EPHB6: variants seen among roughly 807,000 people sequenced by gnomAD.
EPHB6 encodes ephrin type-B receptor 6.
EPHB6 carries 51 observed loss-of-function variants against 107.0 expected under a neutral mutation model. The ratio of observed to expected loss-of-function variants is 0.48; its 90% CI spans 0.38 to 0.60. The LOEUF is 0.60. EPHB6 is among the 20% of genes least tolerant of loss of function. EPHB6 has a pLI of 0.00. For missense variants in EPHB6, 1,141 were observed against 1,355.5 expected (o/e 0.84, Z 2.48); for synonymous variants, 553 against 549.0 (o/e 1.01, Z -0.10).
chr7:142,868,352 T>C lies in EPHB6; in HGVS notation c.2030T>C (p.Ile677Thr), dbSNP rs370605481. ...GCTTATATCAAGATTGAGGAGGTCA[T>C]TGGGACAGGTACAGCAGGGCCAAAG... ...DPAYIKIEEV[I>T]GTGSFGEVRQ... is the part of the protein sequence containing the mutation. Residue 677 changes from isoleucine to threonine, a missense_variant, in exon 14 of 20, where the codon ATT becomes ACT. By Grantham distance (89) the Ile-to-Thr change is moderately conservative (BLOSUM62 -1). Transcript: ENST00000652003. This position sits in a 1 kb window ranked among gnomAD's most constrained non-coding sequence, Gnocchi z 4.2. 8.1e-6 allele frequency: 13 copies of C among 1,613,960 alleles called. No homozygotes were observed. The highest frequency in any genetic ancestry group is 4.5e-5 in the East Asian group (2 of 44,884).
At chr7:142,863,437 G>A (rs1473893438) in intron 5 of EPHB6, 110 bp downstream of exon 5, 4 of 1,235,160 alleles carry the variant, frequency 3.2e-6, no homozygotes, top group Non-Finnish European at 4.8e-6. Flanking sequence ...ATCAATAAAG[G>A]GAAAGGCATG....
At chr7:142,859,164 G>A (rs1051576800) in intron 1 of EPHB6, among the ~76,000 whole-genome samples, 9 of 152,198 alleles carry the variant, frequency 5.9e-5, no homozygotes, top group South Asian at 4.1e-4. Context: ...GTAAGTCAGA[G>A]GAGAGAGGAC....
chr7:142,865,514 C>T lies in EPHB6; in HGVS notation c.989C>T (p.Ala330Val). 3 of 1,613,344 alleles carry T rather than the reference C, an allele frequency of 1.9e-6. No individual in the cohort carries two copies. The highest frequency in any genetic ancestry group is 2.5e-6 in the Non-Finnish European group (3 of 1,179,952). Residue 330 changes from alanine (A) to valine (V), a missense_variant, in exon 8 of 20, where the codon GCT (alanine) becomes GTT (valine). By Grantham distance (64) the Ala-to-Val change is moderately conservative (BLOSUM62 0). Transcript: ENST00000652003. ...CTCTATAAGGCTTCTGCTGGGAATG[C>T]TCCCTGCTCACCATGCCCTGCCCGC... ...RGLYKASAGN[A>V]PCSPCPARSH... is the part of the protein sequence containing the mutation.
rs1434398588 is a variant in EPHB6, at chr7:142,866,650, T to C, written c.1587+45T>C. 3.1e-6 allele frequency: 5 copies of C among 1,612,956 alleles called. 1 individual carries two copies. In the South Asian group the frequency reaches 5.5e-5, roughly 18 times the overall value. On this transcript the variant is annotated intron_variant, in intron 10 of 19. Transcript: ENST00000652003. This position sits in a 1 kb window ranked among gnomAD's most constrained non-coding sequence, Gnocchi z 5.2. ...GTTCCGCAGTAGGGCTGGTAGGAGC[T>C]CATAGGCCTCACAGTGGGGCCCAGA...
intron 18 of EPHB6, 31 bp downstream of exon 18, chr7:142,870,438 GCC>G (rs972995700): frequency 6.2e-7 from 1 of 1,613,710 alleles, no homozygotes; most frequent in African/African-American, 1.3e-5. Context: ...GCCTGGGAAA[GCC>G]AGGGAGGGTA....
intron 2 of EPHB6, 165 bp from the exon 3 acceptor site, chr7:142,861,852 C>G (rs989585341): frequency 6.6e-6 from 1 of 152,166 alleles, no homozygotes; most frequent in Non-Finnish European, 1.5e-5. Context: ...AATTGTCCTC[C>G]CAAGAGAATA....
Position 142,866,416 on chromosome 7 carries a change from CCCT to C in EPHB6, c.1463-63_1463-61del. ...AGCCTGGTCCACCCCTGCCGCCCTC[CCCT>C]CAAGGCTGATCCTGCTCCCAGGGAC... On this transcript the variant is annotated intron_variant, in intron 9 of 19. Transcript: ENST00000652003. The surrounding 1 kb of genome is among the most constrained non-coding windows in gnomAD (Gnocchi z 5.2). 6.2e-7 allele frequency: 1 copy of C among 1,612,818 alleles called. No individual in the cohort carries two copies.
chr7:142,863,140 C>A lies in EPHB6; in HGVS notation c.-88C>A. On this transcript the variant is annotated 5_prime_UTR_variant, in exon 5 of 20. In the 5' UTR this introduces an upstream ATG that the reference lacks. Coordinates refer to ENST00000652003, the MANE Select transcript of EPHB6 (RefSeq NM_004445.6). ...GTGTCTCCTCAGGAAGCAAGCTTAG[C>A]TGTACACCCTGAGTCTTGCAAAAGC... is the stretch of plus-strand genomic sequence containing the variant. 1 of 1,102,872 alleles carries A rather than the reference C, an allele frequency of 9.1e-7. No individual in the cohort carries two copies. The allele number at this position is 1,102,872 out of a possible 1,614,324, so 68.3% of individuals were successfully genotyped here. A position where few individuals can be genotyped will look rare whatever the true frequency, so the allele number is the denominator to read the frequency against.
chr7:142,863,103 T>G (rs953975521), intron 4 of EPHB6, 24 bp from the exon 5 acceptor site: 18 of 748,824 alleles, frequency 2.4e-5, no homozygotes, highest in Non-Finnish European at 3.6e-5. Flanking sequence ...CACCTGCCTC[T>G]TCTGGTCTTG....
At position 142,863,257 on chromosome 7, in the gene EPHB6, G is replaced by T. The variant is rs769212766; in HGVS notation, c.30G>T (p.Gly10=). The change falls in exon 5 of 20, where the codon GGG becomes GGT. Residue 10 remains glycine (G), a synonymous_variant. Transcript: ENST00000652003. MATEGAAQL[G]NRVAGMVCSL... ...CTACTGAAGGGGCTGCCCAGTTAGGGAACAGAGTGGCGGGCATGGTGTGTA... is the reference window on the plus strand; with the variant it reads ...CTACTGAAGGGGCTGCCCAGTTAGGTAACAGAGTGGCGGGCATGGTGTGTA... 3 of 1,613,916 alleles carry T rather than the reference G, an allele frequency of 1.9e-6. No homozygotes were observed. Among genetic ancestry groups the T allele is most frequent in the Admixed American group, 1.7e-5 (1 of 59,994 alleles).
At chr7:142,863,854 C>T in intron 6 of EPHB6, 112 bp from the exon 7 acceptor site, 1 of 1,534,278 alleles carries the variant, frequency 6.5e-7, no homozygotes, top group Non-Finnish European at 9.0e-7. Context: ...ATCTGCTTTG[C>T]TTGTCATTAA....
rs531614989 is a variant in EPHB6 at position 142,867,139 on chromosome 7, G to C, written c.1750+71G>C. ...GGTAGTGAGGAGAGGCCCAGGGACT[G>C]TCCGGCCTTGAACCCTGGCCCCGTG... On this transcript the variant is annotated intron_variant, in intron 11 of 19. Coordinates refer to ENST00000652003, the MANE Select transcript of EPHB6 (RefSeq NM_004445.6). This position sits in a 1 kb window ranked among gnomAD's most constrained non-coding sequence, Gnocchi z 5.3. 7.1e-6 allele frequency: 11 copies of C among 1,554,856 alleles called. No homozygotes were observed. The highest frequency in any genetic ancestry group is 1.8e-5 in the Admixed American group (1 of 56,800).
In EPHB6 at chr7:142,864,510, T is replaced by C; in HGVS notation, c.710T>C (p.Leu237Pro). ...RLFSYTCPAV[L>P]RSFASFPETQ... ...TTCTCCTACACCTGCCCTGCCGTGC[T>C]CCGATCCTTTGCTTCCTTTCCAGAG... The change falls in exon 7 of 20, where the codon CTC becomes CCC. Residue 237 changes from leucine (L) to proline (P), a missense_variant. Leu to Pro is a moderately conservative substitution (Grantham distance 98). This residue lies in a region of EPHB6 where 304 missense variants were observed against 295.7 expected (regional missense o/e 1.03). Coordinates refer to ENST00000652003, the MANE Select transcript of EPHB6 (RefSeq NM_004445.6). The C allele has an allele frequency of 6.2e-7, 1 of 1,613,496 alleles. No homozygotes were observed. Among genetic ancestry groups the C allele is most frequent in the Non-Finnish European group, 8.5e-7 (1 of 1,180,028 alleles).
chr7:142,858,423 C>CTTTTT lies in EPHB6; in HGVS notation c.-431-2603_-431-2599dup, dbSNP rs958011230. On this transcript the variant is annotated intron_variant, in intron 1 of 19. Transcript: ENST00000652003. ...CAATTTAATTTACTTTTAAGTCATT[C>CTTTTT]TTTTTTTTTTTTTTTTTTTTTTTTT... 7.6e-4 allele frequency among the ~76,000 whole-genome samples: 44 copies of CTTTTT among 57,618 alleles called. 1 individual carries two copies. The highest frequency in any genetic ancestry group is 2.4e-3 in the African/African-American group (32 of 13,306). 37.8% of individuals were successfully genotyped at this position (57,618 alleles called of 152,430 possible).
intron 3 of EPHB6, among the ~76,000 whole-genome samples, chr7:142,862,394 G>T (rs187348693): frequency 6.6e-6 from 1 of 152,296 alleles, no homozygotes; most frequent in East Asian, 1.9e-4. Context: ...AAGCCATAGG[G>T]TTATTCTTCT....
chr7:142,864,387 A>G lies in EPHB6; in HGVS notation c.587A>G (p.Asn196Ser). Residue 196 changes from asparagine to serine, a missense_variant, in exon 7 of 20, where the codon AAC becomes AGC. Physicochemically the swap from Asn to Ser is conservative, Grantham distance 46. This residue lies in a region of EPHB6 where 221 missense variants were observed against 300.5 expected (regional missense o/e 0.74). Transcript: ENST00000652003. ...GAGQRAGLQL[N>S]VKERSFGPLT... is the part of the protein sequence containing the mutation. ...GGGCAGCGGGCTGGACTGCAACTGA[A>G]CGTCAAAGAGCGGAGCTTTGGGCCT... is the stretch of plus-strand genomic sequence containing the variant. The G allele has an allele frequency of 6.8e-6, 11 of 1,613,118 alleles. No individual in the cohort carries two copies. The highest frequency in any genetic ancestry group is 9.3e-6 in the Non-Finnish European group (11 of 1,179,848).
Position 142,867,080 on chromosome 7 carries a change from TCA to T in EPHB6, c.1750+13_1750+14del. ...GACACTTCCTCAAGGTGAGCGGGGG[TCA>T]AGGGCCAGATGGGCAGGTGAAGGCC... On this transcript the variant is annotated intron_variant, in intron 11 of 19. Coordinates refer to ENST00000652003, the MANE Select transcript of EPHB6 (RefSeq NM_004445.6). This position sits in a 1 kb window ranked among gnomAD's most constrained non-coding sequence, Gnocchi z 5.3. 1 of 1,610,918 alleles carries T rather than the reference TCA, an allele frequency of 6.2e-7. No homozygotes were observed. Among genetic ancestry groups the T allele is most frequent in the Non-Finnish European group, 8.5e-7 (1 of 1,179,472 alleles).
At chr7:142,858,522 G>C (rs1337047824) in intron 1 of EPHB6, among the ~76,000 whole-genome samples, 1 of 124,520 alleles carries the variant, frequency 8.0e-6, no homozygotes, top group South Asian at 2.7e-4. Flanking sequence ...TGCAAGCTCT[G>C]CCTCCCGGGT....
chr7:142,864,737 A>G lies in EPHB6; in HGVS notation c.937A>G (p.Lys313Glu). 6.2e-7 allele frequency: 1 copy of G among 1,612,788 alleles called. No individual in the cohort carries two copies. The highest frequency in any genetic ancestry group is 1.1e-5 in the South Asian group (1 of 91,084). ...QPGYQPARGD[K>E]ACQACPRGLY... ...TGGATACCAACCAGCACGAGGAGAC[A>G]AGGCCTGCCAAGGTGAGAGCCCACT... Residue 313 changes from lysine (K) to glutamate (E), a missense_variant, in exon 7 of 20, where the codon AAG becomes GAG. Physicochemically the swap from Lys to Glu is moderately conservative, Grantham distance 56. Transcript: ENST00000652003.
Sources: gnomAD v4.1 joint callset for allele counts (sites outside exome capture counted in the v4.1 genomes callset) on GRCh38, gnomAD v4.1.1 for gene constraint, gnomAD v4.1.1 regional missense constraint, Gnocchi (gnomAD v3.1) non-coding constraint, MANE v1.5 for transcripts, NCBI Gene and HGNC (gene_info 2026-07-23, HGNC 2026-07-21) for gene names.